NLRP4: variants seen among roughly 807,000 people sequenced by gnomAD.
The protein encoded by NLRP4 is NACHT, LRR and PYD domains-containing protein 4.
Under a neutral mutation model 84.7 loss-of-function variants are expected in NLRP4, and 44 were observed. The ratio of observed to expected loss-of-function variants is 0.52; its 90% CI spans 0.41 to 0.67. The LOEUF (loss-of-function observed/expected upper bound fraction) is 0.67, where lower values mean the gene tolerates loss of function less well. NLRP4 is among the 30% of genes least tolerant of loss of function. The probability of loss-of-function intolerance (pLI) is 0.00; values close to 1 mark genes in which losing one functional copy is unlikely to be tolerated. For synonymous variants in NLRP4, 544 were observed against 476.4 expected, an observed-to-expected ratio of 1.14 and a Z score of -1.85; for missense variants, 1,260 against 1,219.4, an observed-to-expected ratio of 1.03 and a Z score of -0.50.
At position 55,877,119 on chromosome 19, in the gene NLRP4, G is replaced by A. The variant is rs200324401; in HGVS notation, c.2649G>A (p.Leu883=). ...CNEIGDVGVQ[L]LCRALTHTDC... is the part of the protein sequence containing the mutation. ...AAATCGGAGATGTGGGTGTGCAGCT[G>A]TTGTGTCGGGCTCTGACGCATACGG... The change falls in exon 8 of 10, where the codon CTG becomes CTA. Residue 883 remains leucine (L), a synonymous_variant. Transcript: ENST00000301295. 3 of 1,614,148 alleles carry A rather than the reference G, an allele frequency of 1.9e-6. No homozygotes were observed. The highest frequency in any genetic ancestry group is 2.7e-5 in the African/African-American group (2 of 75,042).
Position 55,849,936 on chromosome 19 carries a change from CGCGGTGTAATTTCCGAGACT to C in NLRP4, c.-65-2064_-65-2045del, listed in dbSNP as rs1568658111. On this transcript the variant is annotated intron_variant, in intron 1 of 9. Coordinates refer to ENST00000301295, the MANE Select transcript of NLRP4 (RefSeq NM_134444.5). The stretch of plus-strand genomic sequence containing the variant: ...GTAGCCGCGGTGTAATTTCCGTAGC[CGCGGTGTAATTTCCGAGACT>C]GCGGTGTAATTTCCGTAGCTGCGGT... Among the ~76,000 whole-genome samples the C allele has an allele frequency of 5.9e-4, 48 of 81,900 alleles. 1 individual carries two copies. The highest frequency in any genetic ancestry group is 7.8e-4 in the Admixed American group (6 of 7,670). The allele number at this position is 81,900 out of a possible 152,430, so 53.7% of individuals were successfully genotyped here. A position where few individuals can be genotyped will look rare whatever the true frequency, so the allele number is the denominator to read the frequency against.
intron 1 of NLRP4, among the ~76,000 whole-genome samples, chr19:55,845,613 C>G (rs1983762977): frequency 6.6e-6 from 1 of 151,922 alleles, no homozygotes; most frequent in African/African-American, 2.4e-5. Flanking sequence ...CCGACTTCCA[C>G]AATGGTTGAA....
intron 2 of NLRP4, chr19:55,857,331 G>GTGTGTGTGTGTA: frequency 2.9e-6 from 1 of 341,846 alleles, no homozygotes; most frequent in Non-Finnish European, 5.2e-6. Context: ...ATGAATGTGT[G>GTGTGTGTGTGTA]TGTGTGTGTG....
At position 55,858,554 on chromosome 19, in the gene NLRP4, C is replaced by T; in HGVS notation, c.1161C>T (p.Gly387=). ...TGTTCACACCTGAGGGTGCCGAGGGCCCGACTCCGCAAACCCAGCACCAGC... is the reference window on the plus strand; with the variant it reads ...TGTTCACACCTGAGGGTGCCGAGGGTCCGACTCCGCAAACCCAGCACCAGC... The part of the protein sequence containing the change: ...FNLFTPEGAE[G]PTPQTQHQLK... The change falls in exon 3 of 10, where the codon GGC becomes GGT. Residue 387 remains glycine (G), a synonymous_variant. Coordinates refer to ENST00000301295, the MANE Select transcript of NLRP4 (RefSeq NM_134444.5). The surrounding 1 kb of genome is among the most constrained non-coding windows in gnomAD (Gnocchi z 4.2). The T allele has an allele frequency of 6.2e-7, 1 of 1,614,140 alleles. No homozygotes were observed. The highest frequency in any genetic ancestry group is 8.5e-7 in the Non-Finnish European group (1 of 1,180,008).
At chr19:55,859,933 A>AC (rs1415624201) in intron 3 of NLRP4, among the ~76,000 whole-genome samples, 5 of 133,558 alleles carry the variant, frequency 3.7e-5, no homozygotes, top group African/African-American at 1.3e-4. Context: ...CTCCAAAAAA[A>AC]AAAAAAAAAA....
rs559391196 is a variant in NLRP4 at position 55,836,652 on chromosome 19, A to G, written c.-348A>G. On this transcript the variant is annotated 5_prime_UTR_variant, in exon 1 of 10. Transcript: ENST00000301295. ...GGTCTTCCTTTTCTTTCTCCCTTTTACCCTGTCTCCTTTCTTGAGGCTGAT... is the reference window on the plus strand; with the variant it reads ...GGTCTTCCTTTTCTTTCTCCCTTTTGCCCTGTCTCCTTTCTTGAGGCTGAT... The G allele has an allele frequency of 6.6e-6, 1 of 151,760 alleles. No individual in the cohort carries two copies. Among genetic ancestry groups the G allele is most frequent in the East Asian group, 2.0e-4 (1 of 5,128 alleles). The allele number at this position is 151,760 out of a possible 1,614,324, so 9.4% of individuals were successfully genotyped here.
At chr19:55,839,191 T>TC (rs1983509696) in intron 1 of NLRP4, among the ~76,000 whole-genome samples, 3 of 152,098 alleles carry the variant, frequency 2.0e-5, no homozygotes, top group Non-Finnish European at 4.4e-5. Context: ...TTTGTGTTCT[T>TC]ATTGTTCAAC....
intron 1 of NLRP4, among the ~76,000 whole-genome samples, chr19:55,849,834 C>CCGCGG (rs1568657856): frequency 6.7e-6 from 1 of 150,224 alleles, no homozygotes; most frequent in Admixed American, 6.6e-5. Flanking sequence ...ATTTCCGAAG[C>CCGCGG]TGCGGTGTAA....
chr19:55,840,445 G>A (rs1426114085), intron 1 of NLRP4, among the ~76,000 whole-genome samples: 7 of 151,942 alleles, frequency 4.6e-5, no homozygotes, highest in Non-Finnish European at 4.4e-5. Context: ...ATGCAGTGGT[G>A]CCATCTCAGC....
intron 1 of NLRP4, among the ~76,000 whole-genome samples, chr19:55,849,934 GCCGCGGTGTAATTTCCGAGA>G (rs1983971392): frequency 4.0e-5 from 5 of 126,330 alleles, no homozygotes; most frequent in Non-Finnish European, 4.7e-5. Context: ...AATTTCCGTA[GCCGCGGTGTAATTTCCGAGA>G]CTGCGGTGTA....
rs1568664820 is a variant in NLRP4 at position 55,858,420 on chromosome 19, C to T, written c.1027C>T (p.Leu343Phe). 2 of 1,614,130 alleles carry T rather than the reference C, an allele frequency of 1.2e-6. No homozygotes were observed. Among genetic ancestry groups the T allele is most frequent in the Non-Finnish European group, 1.7e-6 (2 of 1,180,014 alleles). ...QLFSICQIPL[L>F]CWILCTSLKQ... ...GTTTTCCATATGCCAAATCCCGCTC[C>T]TCTGCTGGATCCTGTGTACCAGTCT... Residue 343 changes from leucine to phenylalanine, a missense_variant, in exon 3 of 10, where the codon CTC (leucine) becomes TTC (phenylalanine). Around this residue, in one of 3 missense-constraint regions of NLRP4, gnomAD observed 712 missense variants for 669.2 expected, o/e 1.06. Coordinates refer to ENST00000301295, the MANE Select transcript of NLRP4 (RefSeq NM_134444.5). The surrounding 1 kb of genome is among the most constrained non-coding windows in gnomAD (Gnocchi z 4.2).
chr19:55,871,118 A>C, intron 7 of NLRP4, 121 bp downstream of exon 7: 2 of 789,640 alleles, frequency 2.5e-6, no homozygotes, highest in Non-Finnish European at 4.0e-6. Context: ...GTGAAGGTTT[A>C]AAAAATACTT....
Position 55,881,640 on chromosome 19 carries a change from A to G in NLRP4, c.*53A>G, listed in dbSNP as rs979254550. On this transcript the variant is annotated 3_prime_UTR_variant, in exon 10 of 10. Coordinates refer to ENST00000301295, the MANE Select transcript of NLRP4 (RefSeq NM_134444.5). ...ACACCTGCAAAGGACAGGGACTGGG[A>G]CCGTTACTTACATGACACTGCACCC... The G allele has an allele frequency of 1.3e-5, 11 of 841,624 alleles. No homozygotes were observed. The highest frequency in any genetic ancestry group is 2.2e-5 in the Non-Finnish European group (11 of 497,638). 52.1% of individuals were successfully genotyped at this position (841,624 alleles called of 1,614,324 possible). A position where few individuals can be genotyped will look rare whatever the true frequency, so the allele number is the denominator to read the frequency against.
intron 6 of NLRP4, among the ~76,000 whole-genome samples, chr19:55,869,626 G>T (rs191700035): frequency 6.6e-6 from 1 of 152,116 alleles, no homozygotes; most frequent in Non-Finnish European, 1.5e-5. Context: ...CAATTTTACT[G>T]ATGGTTATAT....
chr19:55,876,776 T>C (rs1247923061), intron 7 of NLRP4, among the ~76,000 whole-genome samples: 1 of 152,222 alleles, frequency 6.6e-6, no homozygotes, highest in African/African-American at 2.4e-5. Flanking sequence ...TGTTATACTC[T>C]ATTGGTTTTT....
chr19:55,877,286 CA>C, intron 8 of NLRP4, 120 bp downstream of exon 8: 1 of 904,522 alleles, frequency 1.1e-6, no homozygotes, highest in Non-Finnish European at 1.7e-6. Flanking sequence ...GTGGTTGCAT[CA>C]TGAACCAGTG....
chr19:55,846,509 T>G (rs1184055758), intron 1 of NLRP4, among the ~76,000 whole-genome samples: 1 of 152,164 alleles, frequency 6.6e-6, no homozygotes, highest in African/African-American at 2.4e-5. Flanking sequence ...AAGTCATTCT[T>G]TAAGTCAGTG....
At chr19:55,855,944 A>G (rs142687746) in intron 2 of NLRP4, among the ~76,000 whole-genome samples, 71 of 152,344 alleles carry the variant, frequency 4.7e-4, no homozygotes, top group African/African-American at 1.7e-3. Context: ...GCTATGATTC[A>G]GAAATCGGGA....
chr19:55,864,597 T>G (rs1984882707), intron 5 of NLRP4, among the ~76,000 whole-genome samples: 1 of 152,226 alleles, frequency 6.6e-6, no homozygotes, highest in Non-Finnish European at 1.5e-5. Flanking sequence ...CTAGGTCATA[T>G]AGTAAATCCA....
Sources: gnomAD v4.1 joint callset for allele counts (sites outside exome capture counted in the v4.1 genomes callset) on GRCh38, gnomAD v4.1.1 for gene constraint, gnomAD v4.1.1 regional missense constraint, Gnocchi (gnomAD v3.1) non-coding constraint, MANE v1.5 for transcripts, NCBI Gene and HGNC (gene_info 2026-07-23, HGNC 2026-07-21) for gene names.